ST7: variants seen among roughly 807,000 people sequenced by gnomAD.
The protein encoded by ST7 is suppressor of tumorigenicity 7 protein.
ST7 carries 28 observed loss-of-function variants against 78.7 expected under a neutral mutation model. The observed-to-expected ratio is 0.36, with a 90% confidence interval of 0.26 to 0.49. The LOEUF is 0.49. Among genes scored for constraint, ST7 ranks in the 20% least tolerant of loss-of-function variants. ST7 has a pLI of 0.99. For synonymous variants in ST7, 247 were observed against 249.6 expected, an observed-to-expected ratio of 0.99 and a Z score of 0.10; for missense variants, 418 against 696.0, an observed-to-expected ratio of 0.60 and a Z score of 4.49.
At chr7:117,027,397 A>G (rs1312304650) in intron 1 of ST7, among the ~76,000 whole-genome samples, 1 of 145,196 alleles carries the variant, frequency 6.9e-6, no homozygotes, top group Non-Finnish European at 1.5e-5. Flanking sequence ...CCAAGATCAC[A>G]CCACTGCACT....
intron 12 of ST7, among the ~76,000 whole-genome samples, chr7:117,194,572 A>G (rs979035470): frequency 6.6e-6 from 1 of 152,230 alleles, no homozygotes; most frequent in African/African-American, 2.4e-5. Context: ...ACTGAGAACA[A>G]AAGAAGACAA....
At chr7:117,160,111 T>C (rs1207856166) in intron 9 of ST7, among the ~76,000 whole-genome samples, 1 of 148,816 alleles carries the variant, frequency 6.7e-6, no homozygotes, top group Non-Finnish European at 1.5e-5. Flanking sequence ...AGAGTAGCTG[T>C]AATCCCAGCT....
At chr7:117,052,039 C>T (rs1009952414) in intron 1 of ST7, among the ~76,000 whole-genome samples, 23 of 152,134 alleles carry the variant, frequency 1.5e-4, no homozygotes, top group Admixed American at 9.2e-4. Context: ...ACAGTGCAGC[C>T]TCTGTGTCAT....
intron 1 of ST7, among the ~76,000 whole-genome samples, chr7:117,009,938 C>G (rs1356972640): frequency 6.6e-6 from 1 of 152,096 alleles, no homozygotes; most frequent in Non-Finnish European, 1.5e-5. Context: ...CCACTATTGC[C>G]ACCATCCTTT....
intron 1 of ST7, chr7:116,954,585 A>T (rs1792344875): frequency 6.6e-6 from 1 of 152,290 alleles, no homozygotes; most frequent in East Asian, 1.9e-4. Context: ...ACACCCGCAA[A>T]GAAAACACAC....
intron 1 of ST7, chr7:116,958,670 C>T (rs35042045): frequency 0.079 from 37,386 of 470,932 alleles, 1,730 homozygotes; most frequent in East Asian, 0.13. Context: ...GTTTGGTTCC[C>T]GGCCACTGCA....
At chr7:116,974,482 G>T (rs996298689) in intron 1 of ST7, among the ~76,000 whole-genome samples, 1 of 151,878 alleles carries the variant, frequency 6.6e-6, no homozygotes, top group Non-Finnish European at 1.5e-5. Flanking sequence ...TAGTAGAGAC[G>T]GGGTTTCACC....
intron 15 of ST7, among the ~76,000 whole-genome samples, chr7:117,227,755 G>C (rs1455712065): frequency 6.6e-6 from 1 of 152,204 alleles, no homozygotes; most frequent in South Asian, 2.1e-4. Flanking sequence ...TGCATTCATG[G>C]GTGCTCCCAA....
chr7:117,125,915 G>A (rs1399091154), intron 3 of ST7, among the ~76,000 whole-genome samples: 1 of 152,010 alleles, frequency 6.6e-6, no homozygotes, highest in Non-Finnish European at 1.5e-5. Context: ...TAAGAGTCGG[G>A]CAGTCTGGAC....
At chr7:117,044,870 C>T (rs922619619) in intron 1 of ST7, among the ~76,000 whole-genome samples, 1 of 152,216 alleles carries the variant, frequency 6.6e-6, no homozygotes, top group Non-Finnish European at 1.5e-5. Flanking sequence ...TAGTCAGCAT[C>T]TTCAGCTGGA....
At chr7:117,224,045 A>G (rs958473057) in intron 15 of ST7, 22 of 531,472 alleles carry the variant, frequency 4.1e-5, no homozygotes, top group Non-Finnish European at 4.8e-5. Context: ...CTTTAATAGC[A>G]ACCCTGAGTG....
At chr7:116,985,261 G>A (rs1337470001) in intron 1 of ST7, among the ~76,000 whole-genome samples, 1 of 152,186 alleles carries the variant, frequency 6.6e-6, no homozygotes, top group Non-Finnish European at 1.5e-5. Context: ...AAAAAATGAT[G>A]AGATGGGAAG....
chr7:117,185,068 G>A (rs1584539763), intron 10 of ST7, among the ~76,000 whole-genome samples: 1 of 152,168 alleles, frequency 6.6e-6, no homozygotes, highest in African/African-American at 2.4e-5. Flanking sequence ...TTCTCCTAGA[G>A]GATAGTATTT....
intron 1 of ST7, among the ~76,000 whole-genome samples, chr7:117,065,077 C>T (rs952676341): frequency 6.6e-6 from 1 of 152,042 alleles, no homozygotes; most frequent in East Asian, 1.9e-4. Flanking sequence ...CTTAGAGTAA[C>T]CTTTGAGGAA....
intron 6 of ST7, among the ~76,000 whole-genome samples, chr7:117,132,193 C>A (rs1176373457): frequency 6.6e-6 from 1 of 151,500 alleles, no homozygotes; most frequent in Non-Finnish European, 1.5e-5. Context: ...AAATTAATTT[C>A]TTGAAGGGCT....
intron 12 of ST7, among the ~76,000 whole-genome samples, chr7:117,196,132 A>C (rs571754839): frequency 2.2e-4 from 33 of 152,316 alleles, no homozygotes; most frequent in African/African-American, 7.7e-4. Context: ...ATTCCACTGA[A>C]TATATATGCC....
At chr7:117,069,164 A>G (rs1352327626) in intron 1 of ST7, among the ~76,000 whole-genome samples, 1 of 152,260 alleles carries the variant, frequency 6.6e-6, no homozygotes, top group East Asian at 1.9e-4. Context: ...TCTGCTGGTA[A>G]TTTCAAAAGC....
chr7:116,959,223 A>C (rs753001778), intron 1 of ST7: 4 of 470,934 alleles, frequency 8.5e-6, no homozygotes, highest in South Asian at 6.2e-5. Context: ...CAAAAGAAAC[A>C]GCTCTTTATC....
chr7:117,086,159 A>G (rs980797106), intron 1 of ST7, among the ~76,000 whole-genome samples: 4 of 152,112 alleles, frequency 2.6e-5, no homozygotes, highest in African/African-American at 9.7e-5. Flanking sequence ...GTTTTGGGAA[A>G]ACAACTTTGA....
Sources: gnomAD v4.1 joint callset for allele counts (sites outside exome capture counted in the v4.1 genomes callset) on GRCh38, gnomAD v4.1.1 for gene constraint, MANE v1.5 for transcripts, NCBI Gene and HGNC (gene_info 2026-07-23, HGNC 2026-07-21) for gene names.